The following PLSCR2 variants were observed in gnomAD, a reference collection of about 807,000 sequenced individuals.
PLSCR2 encodes PL scramblase 2.
Under a neutral mutation model 25.3 loss-of-function variants are expected in PLSCR2, and 18 were observed. The observed-to-expected ratio is 0.71, with a 90% CI of 0.49 to 1.06. The LOEUF is 1.06. PLSCR2 is among the 50% of genes least tolerant of loss of function. The pLI is 0.00. For missense variants in PLSCR2, 243 were observed against 269.5 expected, an observed-to-expected ratio of 0.90 and a Z score of 0.69; for synonymous variants, 88 against 87.3, an observed-to-expected ratio of 1.01 and a Z score of -0.04.
intron 2 of PLSCR2, among the ~76,000 whole-genome samples, chr3:146,400,205 T>A (rs1051982806): frequency 6.6e-6 from 1 of 151,722 alleles, no homozygotes; most frequent in African/African-American, 2.4e-5. Flanking sequence ...AAAATCTGTA[T>A]TTTCATATCT....
Position 146,476,087 on chromosome 3 carries a change from G to A in PLSCR2, c.-292-15803C>T, listed in dbSNP as rs145769091. On this transcript the variant is annotated intron_variant, in intron 1 of 8. Transcript: ENST00000336685. Reference sequence around the variant, plus strand: ...CCCAAAACTGTTATATAGCGGGGGCGCCGGGGGGTGCACTGGGCCAAGAAG... The same window carrying A: ...CCCAAAACTGTTATATAGCGGGGGCACCGGGGGGTGCACTGGGCCAAGAAG... Among the ~76,000 whole-genome samples, 20 of 151,816 alleles carry A rather than the reference G, an allele frequency of 1.3e-4. No homozygotes were observed. In the East Asian group the frequency reaches 3.1e-3, roughly 24 times the overall value.
chr3:146,473,354 G>A (rs574751700), intron 1 of PLSCR2, among the ~76,000 whole-genome samples: 9 of 143,170 alleles, frequency 6.3e-5, no homozygotes, highest in African/African-American at 2.1e-4. Flanking sequence ...GCCCAGGCTG[G>A]AGTGCAATGG....
intron 2 of PLSCR2, chr3:146,401,531 C>T (rs927735423): frequency 1.3e-5 from 2 of 152,516 alleles, no homozygotes; most frequent in Admixed American, 6.5e-5. Context: ...AGATTTCATA[C>T]GTTTTACTAG....
downstream of PLSCR2, among the ~76,000 whole-genome samples, chr3:146,429,603 A>G (rs1034215309): frequency 1.3e-5 from 2 of 151,892 alleles, no homozygotes; most frequent in African/African-American, 2.4e-5. Context: ...GGGAGAAAAG[A>G]AATAACTTAA....
chr3:146,449,396 A>C, intron 5 of PLSCR2, 29 bp from the exon 6 acceptor site: 1 of 1,469,886 alleles, frequency 6.8e-7, no homozygotes, highest in Middle Eastern at 1.8e-4. Context: ...AAAAACTTAA[A>C]AATTTCTAGA....
downstream of PLSCR2, among the ~76,000 whole-genome samples, chr3:146,438,289 T>C (rs1234661107): frequency 2.6e-5 from 4 of 152,190 alleles, no homozygotes; most frequent in Non-Finnish European, 5.9e-5. Context: ...GTCTATCAGG[T>C]CTGCTTGGTG....
downstream of PLSCR2, among the ~76,000 whole-genome samples, chr3:146,431,951 G>C (rs2039562688): frequency 6.6e-6 from 1 of 150,824 alleles, no homozygotes; most frequent in Non-Finnish European, 1.5e-5. Flanking sequence ...CTATTAGGTG[G>C]TACTTGATTT....
chr3:146,457,773 G>A (rs192721585), intron 3 of PLSCR2, among the ~76,000 whole-genome samples: 1 of 152,358 alleles, frequency 6.6e-6, no homozygotes, highest in Admixed American at 6.5e-5. Flanking sequence ...CAGGTAAAGT[G>A]AGTGAATCCC....
chr3:146,491,250 C>T (rs2043541722), intron 1 of PLSCR2, among the ~76,000 whole-genome samples: 1 of 151,896 alleles, frequency 6.6e-6, no homozygotes, highest in Non-Finnish European at 1.5e-5. Context: ...TTTAGGTGAT[C>T]TGCCCCTTCT....
intron 3 of PLSCR2, among the ~76,000 whole-genome samples, chr3:146,455,925 A>G (rs2041191274): frequency 6.6e-6 from 1 of 152,254 alleles, no homozygotes. Context: ...CTTTGTTTGC[A>G]CTGTTTGGTG....
At chr3:146,418,188 G>T (rs754923101) in intron 2 of PLSCR2, among the ~76,000 whole-genome samples, 15 of 152,130 alleles carry the variant, frequency 9.9e-5, no homozygotes, top group Non-Finnish European at 1.9e-4. Flanking sequence ...ATATAGGTAT[G>T]TTGGGGAACC....
intron 2 of PLSCR2, among the ~76,000 whole-genome samples, chr3:146,459,129 A>G (rs1163525186): frequency 6.6e-6 from 1 of 152,148 alleles, no homozygotes; most frequent in African/African-American, 2.4e-5. Context: ...GCTGAGGTAA[A>G]CTATCATGTA....
intron 2 of PLSCR2, among the ~76,000 whole-genome samples, chr3:146,397,358 T>C (rs539698765): frequency 8.5e-5 from 13 of 152,146 alleles, no homozygotes; most frequent in Non-Finnish European, 1.6e-4. Context: ...CAGGTATCAC[T>C]TACCTTTAAT....
At chr3:146,458,482 T>C (rs2041352203) in intron 2 of PLSCR2, 29 bp from the exon 3 acceptor site, 1 of 1,356,056 alleles carries the variant, frequency 7.4e-7, no homozygotes, top group Non-Finnish European at 9.9e-7. Context: ...AATGAAGTTG[T>C]ATGTCAAATA....
At chr3:146,469,703 C>A (rs1460963317) in intron 1 of PLSCR2, 142 bp from the exon 1 acceptor site, 1 of 350,804 alleles carries the variant, frequency 2.9e-6, no homozygotes, top group African/African-American at 2.2e-5. Flanking sequence ...AGGCTTCCCT[C>A]CCCTGGTCCC....
chr3:146,475,558 T>C (rs185709217), intron 1 of PLSCR2, among the ~76,000 whole-genome samples: 12 of 152,316 alleles, frequency 7.9e-5, no homozygotes, highest in Admixed American at 5.9e-4. Flanking sequence ...TTGCTGGTGG[T>C]GTTTTTCCTA....
At chr3:146,395,573 G>C (rs1006123692) in intron 3 of PLSCR2, among the ~76,000 whole-genome samples, 1 of 152,112 alleles carries the variant, frequency 6.6e-6, no homozygotes, top group Non-Finnish European at 1.5e-5. Flanking sequence ...ATGTTTCTAG[G>C]ACACTCTAAT....
chr3:146,483,840 GA>G (rs60589487), intron 1 of PLSCR2, among the ~76,000 whole-genome samples: 48,942 of 151,368 alleles, frequency 0.32, 7,972 homozygotes, highest in South Asian at 0.41. Flanking sequence ...AAGAATCAAA[GA>G]AAAAAACACT....
Position 146,408,015 on chromosome 3 carries a change from C to A in PLSCR2, c.101-12094G>T, listed in dbSNP as rs377221072. On this transcript the variant is annotated intron_variant and NMD_transcript_variant, in intron 2 of 3. Transcript: ENST00000463633. ...AGAAAGTCAAAGGAGGCTGATCTAA[C>A]AGTAAACTCTGATACTGCCAGGATG... is the stretch of plus-strand genomic sequence containing the variant. Among the ~76,000 whole-genome samples, 5 of 152,286 alleles carry A rather than the reference C, an allele frequency of 3.3e-5. No homozygotes were observed. In the South Asian group the frequency reaches 1.0e-3, roughly 32 times the overall value.
Sources: gnomAD v4.1 joint callset for allele counts (sites outside exome capture counted in the v4.1 genomes callset) on GRCh38, gnomAD v4.1.1 for gene constraint, MANE v1.5 for transcripts, NCBI Gene and HGNC (gene_info 2026-07-23, HGNC 2026-07-21) for gene names.